Variants in CA10 observed in about 807,000 individuals in gnomAD.
The protein encoded by CA10 is carbonic anhydrase-related protein 10.
CA10 carries 14 observed loss-of-function variants against 44.2 expected under a neutral mutation model. The observed-to-expected ratio is 0.32, with a 90% CI of 0.21 to 0.50. CA10 has a LOEUF of 0.50. CA10 is among the 20% of genes least tolerant of loss of function. The probability of loss-of-function intolerance (pLI) is 0.99; values close to 1 mark genes in which losing one functional copy is unlikely to be tolerated. For synonymous variants in CA10, 159 were observed against 141.6 expected (o/e 1.12, Z -0.87); for missense variants, 350 against 409.7 (o/e 0.85, Z 1.26).
At position 51,849,280 on chromosome 17, in the gene CA10, G is replaced by A. The variant is rs1231444850; in HGVS notation, c.279+81710C>T. Among the ~76,000 whole-genome samples, 7 of 111,246 alleles carry A rather than the reference G, an allele frequency of 6.3e-5. No individual in the cohort carries two copies. The East Asian group carries it at 1.9e-3, about 30-fold the overall frequency. 73.0% of individuals were successfully genotyped at this position (111,246 alleles called of 152,430 possible). On this transcript the variant is annotated intron_variant, in intron 3 of 8. Coordinates refer to ENST00000451037, the MANE Select transcript of CA10 (RefSeq NM_020178.5). Reference sequence around the variant, plus strand: ...ATATATATATAAAACTAAGTTTTTTGGAGTCCTTTTAAATATATGTAGTTG... The same window carrying A: ...ATATATATATAAAACTAAGTTTTTTAGAGTCCTTTTAAATATATGTAGTTG...
intron 3 of CA10, among the ~76,000 whole-genome samples, chr17:51,911,206 T>A (rs1981777886): frequency 6.6e-6 from 1 of 152,142 alleles, no homozygotes; most frequent in Non-Finnish European, 1.5e-5. Context: ...TGACCTTGAC[T>A]TGAAGCTTGA....
At chr17:51,822,317 C>G (rs1174695875) in intron 3 of CA10, among the ~76,000 whole-genome samples, 1 of 152,000 alleles carries the variant, frequency 6.6e-6, no homozygotes, top group East Asian at 1.9e-4. Flanking sequence ...ACTCAGGAGG[C>G]TGAGACACGA....
chr17:51,881,592 T>C (rs1358139096), intron 3 of CA10, among the ~76,000 whole-genome samples: 1 of 150,702 alleles, frequency 6.6e-6, no homozygotes, highest in Non-Finnish European at 1.5e-5. Context: ...AGACAGCCTA[T>C]CTGATAGAAA....
At chr17:51,897,681 T>C (rs974083294) in intron 3 of CA10, among the ~76,000 whole-genome samples, 1 of 152,208 alleles carries the variant, frequency 6.6e-6, no homozygotes, top group African/African-American at 2.4e-5. Flanking sequence ...ACAAGATGGA[T>C]TCATCTATAC....
chr17:51,825,594 C>G (rs1010038971), intron 3 of CA10, among the ~76,000 whole-genome samples: 2 of 152,196 alleles, frequency 1.3e-5, no homozygotes, highest in Non-Finnish European at 2.9e-5. Context: ...TCTTTTGAAC[C>G]AGGAACACCA....
At chr17:51,962,734 C>T (rs758583257) in intron 2 of CA10, among the ~76,000 whole-genome samples, 11 of 152,096 alleles carry the variant, frequency 7.2e-5, no homozygotes, top group South Asian at 6.2e-4. Context: ...AGAAAAAACC[C>T]GCTAATGATA....
chr17:51,919,896 C>T (rs203072), intron 3 of CA10, among the ~76,000 whole-genome samples: 102,775 of 151,676 alleles, frequency 0.68, 35,132 homozygotes, highest in Non-Finnish European at 0.71. Context: ...CCATGATCTG[C>T]CTGCCTTGGC....
intron 4 of CA10, among the ~76,000 whole-genome samples, chr17:51,693,564 C>T (rs1915293544): frequency 6.6e-6 from 1 of 152,046 alleles, no homozygotes; most frequent in South Asian, 2.1e-4. Flanking sequence ...CAATGTTTAC[C>T]TCCTATTTAT....
intron 1 of CA10, among the ~76,000 whole-genome samples, chr17:52,136,129 C>T (rs1278900449): frequency 1.3e-5 from 2 of 152,104 alleles, no homozygotes; most frequent in African/African-American, 4.8e-5. Context: ...AGACAAGTCT[C>T]AGAGAAAAAG....
intron 3 of CA10, among the ~76,000 whole-genome samples, chr17:51,838,134 T>C (rs894633059): frequency 2.0e-5 from 3 of 152,220 alleles, no homozygotes; most frequent in Non-Finnish European, 4.4e-5. Flanking sequence ...TTTACAAATA[T>C]ACATTAACAG....
chr17:51,803,246 C>T (rs913721762), intron 3 of CA10, among the ~76,000 whole-genome samples: 5 of 152,188 alleles, frequency 3.3e-5, no homozygotes, highest in African/African-American at 1.2e-4. Context: ...ATGGGGTTTT[C>T]TGCCTAGCGA....
chr17:52,101,713 G>A (rs1988544534), intron 1 of CA10, among the ~76,000 whole-genome samples: 1 of 152,148 alleles, frequency 6.6e-6, no homozygotes, highest in African/African-American at 2.4e-5. Context: ...GCCATTGAAC[G>A]GTTGACTACT....
chr17:51,912,575 A>G (rs975346674), intron 3 of CA10, among the ~76,000 whole-genome samples: 1 of 152,224 alleles, frequency 6.6e-6, no homozygotes, highest in African/African-American at 2.4e-5. Context: ...CAATGATCAT[A>G]AAGCTAAAAC....
At chr17:52,048,741 A>C (rs1330364947) in intron 2 of CA10, among the ~76,000 whole-genome samples, 1 of 151,994 alleles carries the variant, frequency 6.6e-6, no homozygotes, top group Admixed American at 6.6e-5. Context: ...GGAAGAGTTA[A>C]TTAGTCCAGG....
At chr17:51,958,337 A>T (rs529829517) in intron 2 of CA10, among the ~76,000 whole-genome samples, 1 of 152,026 alleles carries the variant, frequency 6.6e-6, no homozygotes, top group South Asian at 2.1e-4. Flanking sequence ...CTGGGCAAGC[A>T]AGCAAATTGT....
At chr17:51,830,456 C>T (rs1247956798) in intron 3 of CA10, among the ~76,000 whole-genome samples, 1 of 151,848 alleles carries the variant, frequency 6.6e-6, no homozygotes, top group Non-Finnish European at 1.5e-5. Context: ...GAGATCCATT[C>T]CAGCCTTACA....
At chr17:51,717,690 C>T (rs1253036690) in intron 4 of CA10, among the ~76,000 whole-genome samples, 2 of 62,146 alleles carry the variant, frequency 3.2e-5, no homozygotes, top group African/African-American at 1.1e-4. Context: ...TATATGTATA[C>T]ATATATGCAT....
rs570864566 is a variant in CA10 at position 51,870,979 on chromosome 17, C to T, written c.279+60011G>A. Among the ~76,000 whole-genome samples, 6 of 151,566 alleles carry T rather than the reference C, an allele frequency of 4.0e-5. No individual in the cohort carries two copies. The South Asian group carries it at 1.3e-3, about 32-fold the overall frequency. On this transcript the variant is annotated intron_variant, in intron 3 of 8. Coordinates refer to ENST00000451037, the MANE Select transcript of CA10 (RefSeq NM_020178.5). ...ATGTACCCTCACCCTTCAGACAAAA[C>T]ATTGAATGGTAGAGATTTCTTCTCT...
chr17:51,955,889 A>AACC (rs1159297293), intron 2 of CA10, among the ~76,000 whole-genome samples: 1 of 152,062 alleles, frequency 6.6e-6, no homozygotes, highest in Non-Finnish European at 1.5e-5. Context: ...CGGGGCTTAA[A>AACC]ACCTAGATGA....
Sources: gnomAD v4.1 joint callset for allele counts (sites outside exome capture counted in the v4.1 genomes callset) on GRCh38, gnomAD v4.1.1 for gene constraint, MANE v1.5 for transcripts, NCBI Gene and HGNC (gene_info 2026-07-23, HGNC 2026-07-21) for gene names.